WDR41: variants seen among roughly 807,000 people sequenced by gnomAD.
WDR41 encodes the protein WD repeat domain 41, also known as WD repeat-containing protein 41.
In WDR41, 63 loss-of-function variants were observed where a neutral mutation model predicts 69.3. The observed-to-expected ratio is 0.91, with a 90% CI of 0.74 to 1.12. The LOEUF (loss-of-function observed/expected upper bound fraction) is 1.12, where lower values mean the gene tolerates loss of function less well. Ranked by LOEUF, WDR41 falls within the 50% of genes most tolerant of loss-of-function variation. The pLI is 0.00. For missense variants in WDR41, 543 were observed against 534.5 expected (o/e 1.02, Z -0.16); for synonymous variants, 185 against 192.1 (o/e 0.96, Z 0.31).
At chr5:77,484,479 TCA>T (rs151013981) in intron 2 of WDR41, among the ~76,000 whole-genome samples, 2,750 of 152,310 alleles carry the variant, frequency 0.018, 35 homozygotes, top group Middle Eastern at 0.061. Flanking sequence ...AAAGTCAACG[TCA>T]CACTGGATAT....
At chr5:77,524,801 C>G (rs1235907513) in intron 1 of WDR41, among the ~76,000 whole-genome samples, 1 of 152,196 alleles carries the variant, frequency 6.6e-6, no homozygotes, top group African/African-American at 2.4e-5. Context: ...AATCACTGAC[C>G]TAGGAGTTGA....
intron 1 of WDR41, among the ~76,000 whole-genome samples, chr5:77,561,246 A>C (rs1316727955): frequency 6.6e-6 from 1 of 152,182 alleles, no homozygotes; most frequent in Admixed American, 6.5e-5. Context: ...AGATGACATT[A>C]CTATGCTAGT....
intron 10 of WDR41, among the ~76,000 whole-genome samples, chr5:77,437,659 A>T (rs1798994812): frequency 6.6e-6 from 1 of 152,186 alleles, no homozygotes; most frequent in Admixed American, 6.5e-5. Context: ...CTCTCCATTT[A>T]AAAAAATGCC....
At chr5:77,467,714 GTGAATGCATAAGCAAA>G (rs1311938992) in intron 2 of WDR41, among the ~76,000 whole-genome samples, 3 of 151,990 alleles carry the variant, frequency 2.0e-5, no homozygotes, top group Admixed American at 2.0e-4. Flanking sequence ...GAATGAATAA[GTGAATGCATAAGCAAA>G]CATTTAAGTG....
At position 77,464,726 on chromosome 5, in the gene WDR41, C is replaced by A. The variant is rs746989771; in HGVS notation, c.216+35G>T. ...TACATACTCAACTACATCATCATAT[C>A]TTTATCACACAATCCACACATAATC... is the stretch of plus-strand genomic sequence containing the variant. On this transcript the variant is annotated intron_variant, in intron 3 of 12. Transcript: ENST00000296679. 26 of 1,605,492 alleles carry A rather than the reference C, an allele frequency of 1.6e-5. No homozygotes were observed. The East Asian group carries it at 5.6e-4, about 34-fold the overall frequency.
At chr5:77,520,683 C>T (rs1160186264) in intron 1 of WDR41, among the ~76,000 whole-genome samples, 3 of 152,290 alleles carry the variant, frequency 2.0e-5, no homozygotes, top group East Asian at 3.9e-4. Flanking sequence ...CAGATCTGAA[C>T]CCCATAAAGC....
chr5:77,473,574 C>A (rs1371490696), intron 2 of WDR41, among the ~76,000 whole-genome samples: 2 of 152,100 alleles, frequency 1.3e-5, no homozygotes, highest in Admixed American at 6.5e-5. Flanking sequence ...CCAGAATCTA[C>A]AATGAACACC....
chr5:77,597,857 T>A (rs1443742214), intron 1 of WDR41, among the ~76,000 whole-genome samples: 1 of 152,234 alleles, frequency 6.6e-6, no homozygotes, highest in Non-Finnish European at 1.5e-5. Context: ...GTTACAATCA[T>A]TTTCTAGTGA....
chr5:77,510,548 T>C (rs1581779551), intron 1 of WDR41, among the ~76,000 whole-genome samples: 1 of 152,252 alleles, frequency 6.6e-6, no homozygotes, highest in South Asian at 2.1e-4. Context: ...TCAGCAATAG[T>C]GTCTGCTACA....
intron 1 of WDR41, among the ~76,000 whole-genome samples, chr5:77,593,275 ATC>A (rs1273619108): frequency 6.6e-6 from 1 of 152,186 alleles, no homozygotes. Context: ...GGAATGTTGT[ATC>A]TGAATTGCCA....
intron 12 of WDR41, among the ~76,000 whole-genome samples, chr5:77,435,625 C>T (rs2151283720): frequency 6.6e-6 from 1 of 152,276 alleles, no homozygotes; most frequent in Non-Finnish European, 1.5e-5. Context: ...TTCCTTAGGG[C>T]CCTGATTACA....
chr5:77,596,286 T>G (rs765953835), intron 1 of WDR41, among the ~76,000 whole-genome samples: 6 of 152,186 alleles, frequency 3.9e-5, no homozygotes, highest in Non-Finnish European at 5.9e-5. Flanking sequence ...TAGCTGAGAC[T>G]ACAGGTGTGC....
intron 5 of WDR41, 124 bp downstream of exon 5, chr5:77,458,935 GACT>G (rs1799934237): frequency 1.6e-6 from 1 of 612,546 alleles, no homozygotes; most frequent in Admixed American, 3.0e-5. Context: ...CGAAGCAAAT[GACT>G]ACAAGTGTGT....
chr5:77,565,323 C>T (rs953773492), intron 1 of WDR41, among the ~76,000 whole-genome samples: 1 of 152,190 alleles, frequency 6.6e-6, no homozygotes, highest in African/African-American at 2.4e-5. Flanking sequence ...CTGCCAGGCA[C>T]GTTAAGCTGA....
At chr5:77,555,246 G>A (rs895759927) in intron 1 of WDR41, among the ~76,000 whole-genome samples, 1 of 152,170 alleles carries the variant, frequency 6.6e-6, no homozygotes, top group Non-Finnish European at 1.5e-5. Flanking sequence ...ACTGGGCAAA[G>A]TGTACAAAGG....
At chr5:77,527,440 A>T (rs1802465693) in intron 1 of WDR41, among the ~76,000 whole-genome samples, 1 of 151,914 alleles carries the variant, frequency 6.6e-6, no homozygotes, top group South Asian at 2.1e-4. Flanking sequence ...CATACAAAAG[A>T]TATAATAATG....
chr5:77,556,990 G>T (rs74670036), intron 1 of WDR41, among the ~76,000 whole-genome samples: 5,286 of 152,172 alleles, frequency 0.035, 132 homozygotes, highest in Middle Eastern at 0.099. Context: ...AGGGGGAGGG[G>T]TGGAGCCTGA....
At chr5:77,596,643 C>T (rs887934508) in intron 1 of WDR41, among the ~76,000 whole-genome samples, 2 of 152,006 alleles carry the variant, frequency 1.3e-5, no homozygotes, top group Admixed American at 1.3e-4. Context: ...GTTACAGGTA[C>T]CACTACACCT....
At chr5:77,618,100 G>C (rs1744710227) in intron 1 of WDR41, among the ~76,000 whole-genome samples, 1 of 152,184 alleles carries the variant, frequency 6.6e-6, no homozygotes, top group Non-Finnish European at 1.5e-5. Flanking sequence ...TTGGCTGAGA[G>C]GCCAGAAAGG....
Sources: gnomAD v4.1 joint callset for allele counts (sites outside exome capture counted in the v4.1 genomes callset) on GRCh38, gnomAD v4.1.1 for gene constraint, MANE v1.5 for transcripts, NCBI Gene and HGNC (gene_info 2026-07-23, HGNC 2026-07-21) for gene names.